The following ACBD6 variants were observed in gnomAD, a reference collection of about 807,000 sequenced individuals.
ACBD6 encodes acyl-CoA binding domain containing 6.
ACBD6 carries 28 observed loss-of-function variants against 37.2 expected under a neutral mutation model. The ratio of observed to expected loss-of-function variants is 0.75; its 90% confidence interval spans 0.56 to 1.03. ACBD6 has a LOEUF of 1.03. Among genes scored for constraint, ACBD6 ranks in the 50% least tolerant of loss-of-function variants. The pLI is 0.00. For synonymous variants in ACBD6, 113 were observed against 126.8 expected (o/e 0.89, Z 0.73); for missense variants, 340 against 337.4 (o/e 1.01, Z -0.06).
chr1:180,376,755 C>T (rs192772623), intron 6 of ACBD6, among the ~76,000 whole-genome samples: 15 of 152,152 alleles, frequency 9.9e-5, no homozygotes, highest in South Asian at 4.1e-4. Context: ...GTAGCAGGAA[C>T]GGGGGAAAAA....
intron 6 of ACBD6, among the ~76,000 whole-genome samples, chr1:180,328,582 A>G (rs1651348021): frequency 6.6e-6 from 1 of 152,136 alleles, no homozygotes; most frequent in South Asian, 2.1e-4. Context: ...TGTTATATCC[A>G]GTAATTTACT....
At chr1:180,316,036 T>A (rs1035910972) in intron 6 of ACBD6, among the ~76,000 whole-genome samples, 4 of 152,140 alleles carry the variant, frequency 2.6e-5, no homozygotes, top group African/African-American at 9.7e-5. Context: ...TTGCCTACTT[T>A]TTTTTCTTGT....
At chr1:180,493,276 AAAC>A (rs1278170762) in intron 2 of ACBD6, among the ~76,000 whole-genome samples, 2,899 of 112,144 alleles carry the variant, frequency 0.026, 27 homozygotes, top group East Asian at 0.094. Flanking sequence ...AAAAAAAAAA[AAAC>A]AACAACAGCA....
downstream of ACBD6, among the ~76,000 whole-genome samples, chr1:180,286,795 C>T (rs1031336769): frequency 6.6e-6 from 1 of 152,084 alleles, no homozygotes; most frequent in Admixed American, 6.5e-5. Flanking sequence ...ATAGAAAAAT[C>T]ACAAAATAAA....
In ACBD6 at chr1:180,397,550, A is replaced by C; in HGVS notation, c.629T>G (p.Val210Gly). The change falls in exon 6 of 8, where the codon GTG (valine) becomes GGG (glycine). Residue 210 changes from valine to glycine, a missense_variant. Physicochemically the swap from Val to Gly is moderately radical, Grantham distance 109. Transcript: ENST00000367595. ...CDRGHKELVT[V>G]LLQHRADINC... ...AATGTCAGCTCTATGTTGCAGCAAC[A>C]CTGTGACTAGTTCCTTATGTCCTCG... 1 of 1,614,106 alleles carries C rather than the reference A, an allele frequency of 6.2e-7. No homozygotes were observed. Among genetic ancestry groups the C allele is most frequent in the Non-Finnish European group, 8.5e-7 (1 of 1,179,970 alleles).
chr1:180,441,486 A>G (rs1418224828), intron 3 of ACBD6, among the ~76,000 whole-genome samples: 1 of 152,224 alleles, frequency 6.6e-6, no homozygotes, highest in East Asian at 1.9e-4. Context: ...CCATCTAAAT[A>G]AAATTAAATC....
intron 6 of ACBD6, among the ~76,000 whole-genome samples, chr1:180,321,772 T>C (rs1651081498): frequency 6.6e-6 from 1 of 152,178 alleles, no homozygotes; most frequent in Admixed American, 6.5e-5. Context: ...GTGGAGTCTT[T>C]AGGTTTTCCA....
intron 7 of ACBD6, among the ~76,000 whole-genome samples, chr1:180,290,101 C>A (rs957271374): frequency 3.9e-5 from 6 of 152,122 alleles, no homozygotes; most frequent in African/African-American, 1.4e-4. Context: ...TTTATATACT[C>A]TTTTGCAGCA....
intron 6 of ACBD6, among the ~76,000 whole-genome samples, chr1:180,384,831 G>C (rs1433201569): frequency 1.3e-5 from 2 of 152,136 alleles, no homozygotes; most frequent in Non-Finnish European, 2.9e-5. Flanking sequence ...GAAGAAGAAT[G>C]AAATCATGAC....
chr1:180,272,538 C>T (rs73046412), intron 13 of ACBD6: 14,287 of 154,780 alleles, frequency 0.092, 886 homozygotes, highest in Admixed American at 0.19. Context: ...CCACTCACTT[C>T]ATTCTGTCCC....
intron 6 of ACBD6, among the ~76,000 whole-genome samples, chr1:180,344,340 G>C (rs1296735851): frequency 6.6e-6 from 1 of 152,030 alleles, no homozygotes; most frequent in Non-Finnish European, 1.5e-5. Context: ...CCAACCAGTA[G>C]GTTTTAGCAA....
At chr1:180,459,967 C>CTT (rs67323272) in intron 3 of ACBD6, among the ~76,000 whole-genome samples, 232 of 107,592 alleles carry the variant, frequency 2.2e-3, no homozygotes, top group Middle Eastern at 5.1e-3. Context: ...CAGACTGCTT[C>CTT]TTTTTTTTTT....
At position 180,295,567 on chromosome 1, in the gene ACBD6, A is replaced by G. The variant is rs117634517; in HGVS notation, c.695-7050T>C. Among the ~76,000 whole-genome samples the G allele has an allele frequency of 1.4e-3, 217 of 152,006 alleles. 4 individuals are homozygous for G. The East Asian group carries it at 0.038, about 27-fold the overall frequency. On this transcript the variant is annotated intron_variant, in intron 7 of 7. Coordinates refer to ENST00000367595, the MANE Select transcript of ACBD6 (RefSeq NM_032360.4). ...GGCAACTCTATATTTAAGCAAGTCT[A>G]TCGGTGCCATTTTCCCAACAGCATT...
intron 6 of ACBD6, among the ~76,000 whole-genome samples, chr1:180,374,516 C>T (rs999697023): frequency 6.6e-6 from 1 of 152,136 alleles, no homozygotes; most frequent in Non-Finnish European, 1.5e-5. Context: ...ATTATCCACT[C>T]AGCAGAAAAA....
chr1:180,296,443 T>C (rs923750661), intron 7 of ACBD6, among the ~76,000 whole-genome samples: 6 of 152,194 alleles, frequency 3.9e-5, no homozygotes, highest in African/African-American at 7.2e-5. Context: ...TTTTTTCTTT[T>C]CTATTAGACA....
At chr1:180,352,215 C>T (rs1415764654) in intron 6 of ACBD6, among the ~76,000 whole-genome samples, 1 of 151,982 alleles carries the variant, frequency 6.6e-6, no homozygotes, top group Non-Finnish European at 1.5e-5. Flanking sequence ...TGGAGATAGA[C>T]GATGGTAATG....
intron 2 of ACBD6, among the ~76,000 whole-genome samples, chr1:180,493,247 C>CAAAAAAA (rs71121023): frequency 3.4e-3 from 164 of 47,738 alleles, no homozygotes; most frequent in African/African-American, 7.0e-3. Context: ...AATTCTGTCT[C>CAAAAAAA]AAAAAAAAAA....
chr1:180,389,832 C>T (rs1207981909), intron 6 of ACBD6, among the ~76,000 whole-genome samples: 1 of 152,096 alleles, frequency 6.6e-6, no homozygotes, highest in African/African-American at 2.4e-5. Flanking sequence ...GTCCTTTGCC[C>T]ACTTTTTGAT....
exon 14 of ACBD6, chr1:180,271,297 G>C: frequency 6.6e-7 from 1 of 1,507,742 alleles, no homozygotes; most frequent in East Asian, 2.3e-5. Flanking sequence ...CTTAGGTGCA[G>C]AAAGGATGGA....
Sources: allele counts gnomAD v4.1 joint callset (sites outside exome capture counted in the v4.1 genomes callset), GRCh38; gene constraint gnomAD v4.1.1; transcripts MANE v1.5; gene names NCBI Gene and HGNC (gene_info 2026-07-23, HGNC 2026-07-21).